Variants in POLR3A observed in about 807,000 individuals in gnomAD.
POLR3A encodes DNA-directed RNA polymerase III subunit RPC1.
Under a neutral mutation model 152.8 loss-of-function variants are expected in POLR3A, and 112 were observed. The observed-to-expected ratio is 0.73, with a 90% CI of 0.63 to 0.86. The LOEUF is 0.86. POLR3A is among the 40% of genes least tolerant of loss of function. POLR3A has a pLI of 0.00. For synonymous variants in POLR3A, 615 were observed against 652.1 expected, an observed-to-expected ratio of 0.94 and a Z score of 0.87; for missense variants, 1,385 against 1,743.1, an observed-to-expected ratio of 0.79 and a Z score of 3.66.
chr10:77,992,656 T>C (rs1204886921), intron 20 of POLR3A, among the ~76,000 whole-genome samples: 1 of 151,970 alleles, frequency 6.6e-6, no homozygotes, highest in African/African-American at 2.4e-5. Flanking sequence ...TTGGCCAGGA[T>C]GGTCTCGATC....
In POLR3A at chr10:77,998,003, T is replaced by C. The variant is rs911194316; in HGVS notation, c.2616+1978A>G. On this transcript the variant is annotated intron_variant, in intron 19 of 30. Coordinates refer to ENST00000372371, the MANE Select transcript of POLR3A (RefSeq NM_007055.4). ...GAGCCCTCAGAAATAATGCCGCATA[T>C]CTACAACTATCTGATCTTTGACAAA... 2.4e-4 allele frequency among the ~76,000 whole-genome samples: 37 copies of C among 152,152 alleles called. 1 individual carries two copies. Among genetic ancestry groups the C allele is most frequent in the Non-Finnish European group, 1.2e-4 (8 of 68,002 alleles).
intron 21 of POLR3A, among the ~76,000 whole-genome samples, chr10:77,988,430 G>A (rs1307448610): frequency 6.6e-6 from 1 of 152,012 alleles, no homozygotes; most frequent in Admixed American, 6.6e-5. Flanking sequence ...GCTGAGGCAG[G>A]AGAATCACTT....
chr10:78,013,304 T>G, intron 11 of POLR3A: 1 of 307,020 alleles, frequency 3.3e-6, no homozygotes, highest in East Asian at 7.6e-5. Flanking sequence ...TCTTCCCCTG[T>G]GACAGCCAAC....
chr10:78,022,280 C>A lies in POLR3A; in HGVS notation c.750G>T (p.Leu250Phe). ...MNPEAGKPSD[L>F]ILTRLLVPPL... is the part of the protein sequence containing the mutation. ...GAGGCACCAAAAGTCGTGTGAGAAT[C>A]AAATCAGACGGCTTTCCGGCTTCTG... The change falls in exon 6 of 31, where the codon TTG (leucine) becomes TTT (phenylalanine). Residue 250 changes from leucine (L) to phenylalanine (F), a missense_variant. Physicochemically the swap from Leu to Phe is conservative, Grantham distance 22 (BLOSUM62 0). This residue lies in a region of POLR3A where 493 missense variants were observed against 647.5 expected (regional missense o/e 0.76). Coordinates refer to ENST00000372371, the MANE Select transcript of POLR3A (RefSeq NM_007055.4). The A allele has an allele frequency of 2.5e-6, 4 of 1,614,222 alleles. No individual in the cohort carries two copies. The highest frequency in any genetic ancestry group is 3.4e-6 in the Non-Finnish European group (4 of 1,180,036).
Position 77,988,093 on chromosome 10 carries a change from T to A in POLR3A, c.2902-1934A>T, listed in dbSNP as rs73298675. Reference sequence around the variant, plus strand: ...GGGCCCAACACATCCTGGCTGTCAGTTCCCATGAATACTGCTTTCTCATGA... The same window carrying A: ...GGGCCCAACACATCCTGGCTGTCAGATCCCATGAATACTGCTTTCTCATGA... On this transcript the variant is annotated intron_variant, in intron 21 of 30. Transcript: ENST00000372371. Among the ~76,000 whole-genome samples, 972 of 152,326 alleles carry A rather than the reference T, an allele frequency of 6.4e-3. 4 individuals carry two copies. Among genetic ancestry groups the A allele is most frequent in the African/African-American group, 0.022 (916 of 41,580 alleles).
At chr10:78,017,251 C>T (rs1360049843) in intron 10 of POLR3A, among the ~76,000 whole-genome samples, 2 of 151,654 alleles carry the variant, frequency 1.3e-5, no homozygotes, top group Non-Finnish European at 2.9e-5. Flanking sequence ...ATAGTGAGAC[C>T]CCCGTCTCAA....
intron 3 of POLR3A, 99 bp downstream of exon 3, chr10:78,025,523 G>A (rs1398396952): frequency 8.6e-7 from 1 of 1,157,516 alleles, no homozygotes; most frequent in Non-Finnish European, 1.3e-6. Flanking sequence ...GAGTCCCCTA[G>A]ATGTATCCCC....
At position 78,013,648 on chromosome 10, in the gene POLR3A, AC is replaced by A; in HGVS notation, c.1572+1del. On this transcript the variant is annotated splice_donor_variant, in intron 11 of 30. Coordinates refer to ENST00000372371, the MANE Select transcript of POLR3A (RefSeq NM_007055.4). LOFTEE classifies it high-confidence loss of function. ...AAAGCTGGGCTGTGCCACCCTACAT[AC>A]CCCCATCAGAACAAGGGCCTCTGCT... 1 of 1,613,686 alleles carries A rather than the reference AC, an allele frequency of 6.2e-7. No homozygotes were observed. Among genetic ancestry groups the A allele is most frequent in the Non-Finnish European group, 8.5e-7 (1 of 1,179,860 alleles).
At chr10:78,006,797 A>G (rs889393750) in intron 15 of POLR3A, among the ~76,000 whole-genome samples, 1 of 152,324 alleles carries the variant, frequency 6.6e-6, no homozygotes, top group East Asian at 1.9e-4. Flanking sequence ...GAGAACAGAG[A>G]GGATTCTGAA....
At chr10:77,985,627 G>GTAC (rs1314568331) in intron 23 of POLR3A, among the ~76,000 whole-genome samples, 3 of 152,196 alleles carry the variant, frequency 2.0e-5, no homozygotes, top group African/African-American at 7.2e-5. Context: ...CTAACCAATG[G>GTAC]TACTGATGGC....
Position 78,029,492 on chromosome 10 carries a change from T to G in POLR3A, c.-85A>C. ...CCCCAGCACCTCCTGGGGCTGCTTC[T>G]GGACTCGCCGCTAACACATCTGCGG... is the stretch of plus-strand genomic sequence containing the variant. On this transcript the variant is annotated 5_prime_UTR_variant, in exon 1 of 31. Coordinates refer to ENST00000372371, the MANE Select transcript of POLR3A (RefSeq NM_007055.4). The G allele has an allele frequency of 6.4e-6, 9 of 1,399,976 alleles. No homozygotes were observed. Among genetic ancestry groups the G allele is most frequent in the Non-Finnish European group, 9.1e-6 (9 of 992,092 alleles). The allele number at this position is 1,399,976 out of a possible 1,614,324, so 86.7% of individuals were successfully genotyped here. A position where few individuals can be genotyped will look rare whatever the true frequency, so the allele number is the denominator to read the frequency against.
chr10:77,977,109 T>C lies in POLR3A; in HGVS notation c.*369A>G. The C allele has an allele frequency of 3.2e-6, 1 of 314,062 alleles. No homozygotes were observed. Among genetic ancestry groups the C allele is most frequent in the South Asian group, 3.2e-5 (1 of 30,818 alleles). The allele number at this position is 314,062 out of a possible 1,614,324, so 19.5% of individuals were successfully genotyped here. A position where few individuals can be genotyped will look rare whatever the true frequency, so the allele number is the denominator to read the frequency against. The stretch of plus-strand genomic sequence containing the variant: ...GGCTCAGGCCTGGCTCATCGTCAGG[T>C]GTGAAGACACCATGGGGAGCCGATG... On this transcript the variant is annotated 3_prime_UTR_variant, in exon 31 of 31. Transcript: ENST00000372371.
In POLR3A at chr10:77,985,311, C is replaced by T; in HGVS notation, c.3101G>A (p.Gly1034Asp). The T allele has an allele frequency of 6.2e-7, 1 of 1,613,960 alleles. No homozygotes were observed. Among genetic ancestry groups the T allele is most frequent in the Non-Finnish European group, 8.5e-7 (1 of 1,179,812 alleles). ...RAQMEPGSAVGALCAQSIGEP... is the reference protein window; with the variant it reads ...RAQMEPGSAVDALCAQSIGEP... ...ACCAATGCTCTGGGCACACAGAGCA[C>T]CCACTGCAGAACCTGGCTCCATCTG... is the stretch of plus-strand genomic sequence containing the variant. The change falls in exon 24 of 31, where the codon GGT (glycine) becomes GAT (aspartate). Residue 1034 changes from glycine (G) to aspartate (D), a missense_variant. Physicochemically the swap from Gly to Asp is moderately conservative, Grantham distance 94. Coordinates refer to ENST00000372371, the MANE Select transcript of POLR3A (RefSeq NM_007055.4).
At chr10:78,014,329 A>C (rs1188123126) in intron 10 of POLR3A, among the ~76,000 whole-genome samples, 1 of 152,196 alleles carries the variant, frequency 6.6e-6, no homozygotes, top group Non-Finnish European at 1.5e-5. Context: ...AACTAAATAA[A>C]AACCCATGTG....
rs2131930647 is a variant in POLR3A at position 77,985,157 on chromosome 10, T to C, written c.3242+13A>G. Reference sequence around the variant, plus strand: ...AGGCATGTGTGGAACAAGAAGGAAATGAAAGCAGGCACCTGATGGCCTTGG... The same window carrying C: ...AGGCATGTGTGGAACAAGAAGGAAACGAAAGCAGGCACCTGATGGCCTTGG... On this transcript the variant is annotated intron_variant, in intron 24 of 30. Coordinates refer to ENST00000372371, the MANE Select transcript of POLR3A (RefSeq NM_007055.4). The C allele has an allele frequency of 1.9e-6, 3 of 1,610,550 alleles. No homozygotes were observed. Among genetic ancestry groups the C allele is most frequent in the Non-Finnish European group, 2.5e-6 (3 of 1,176,686 alleles).
At chr10:77,984,376 G>T in intron 24 of POLR3A, 78 bp from the exon 25 acceptor site, 1 of 842,946 alleles carries the variant, frequency 1.2e-6, no homozygotes. Context: ...TTAAACCCAA[G>T]TGCTATTTAG....
At position 77,981,560 on chromosome 10, in the gene POLR3A, C is replaced by T; in HGVS notation, c.3760-1G>A. ...CCTCGATGCCCAGAGTTTTCTCCAC[C>T]TACAGAGAGCCAGTAATGAGCAGAA... On this transcript the variant is annotated splice_acceptor_variant, in intron 28 of 30. Coordinates refer to ENST00000372371, the MANE Select transcript of POLR3A (RefSeq NM_007055.4). LOFTEE classifies it high-confidence loss of function. The T allele has an allele frequency of 6.2e-7, 1 of 1,614,042 alleles. No homozygotes were observed. The highest frequency in any genetic ancestry group is 8.5e-7 in the Non-Finnish European group (1 of 1,179,946).
At chr10:77,992,121 T>C (rs1847255163) in intron 20 of POLR3A, among the ~76,000 whole-genome samples, 1 of 152,212 alleles carries the variant, frequency 6.6e-6, no homozygotes, top group South Asian at 2.1e-4. Flanking sequence ...TCAAAGTATG[T>C]GAAGTGTGCC....
In POLR3A at chr10:77,991,053, C is replaced by A. The variant is rs2131935369; in HGVS notation, c.2901+1G>T. 2 of 1,566,416 alleles carry A rather than the reference C, an allele frequency of 1.3e-6. No individual in the cohort carries two copies. Among genetic ancestry groups the A allele is most frequent in the African/African-American group, 1.3e-5 (1 of 74,202 alleles). ...AGTAGCCAGCACCTGGCAGAGCTCA[C>A]CTGCAGGAAGCTGTCCTGGCAGCAG... On this transcript the variant is annotated splice_donor_variant, in intron 21 of 30. Coordinates refer to ENST00000372371, the MANE Select transcript of POLR3A (RefSeq NM_007055.4). LOFTEE classifies it high-confidence loss of function.
Sources: allele counts gnomAD v4.1 joint callset (sites outside exome capture counted in the v4.1 genomes callset), GRCh38; gene constraint gnomAD v4.1.1; regional missense constraint gnomAD v4.1.1; transcripts MANE v1.5; gene names NCBI Gene and HGNC (gene_info 2026-07-23, HGNC 2026-07-21).